ADAM32: variants seen among roughly 807,000 people sequenced by gnomAD.
The protein encoded by ADAM32 is disintegrin and metalloproteinase domain-containing protein 32.
Under a neutral mutation model 114.9 loss-of-function variants are expected in ADAM32, and 89 were observed. That is an observed-to-expected ratio of 0.77 (90% CI 0.65 to 0.92). The LOEUF is 0.92. ADAM32 is among the 40% of genes least tolerant of loss of function. The pLI is 0.00. For synonymous variants in ADAM32, 285 were observed against 307.5 expected, an observed-to-expected ratio of 0.93 and a Z score of 0.77; for missense variants, 870 against 932.8, an observed-to-expected ratio of 0.93 and a Z score of 0.88.
intron 14 of ADAM32, chr8:39,224,237 T>A (rs1182745633): frequency 6.6e-6 from 1 of 152,120 alleles, no homozygotes; most frequent in Non-Finnish European, 1.5e-5. Context: ...GCAATAAACA[T>A]GGGGGTGCAC....
intron 19 of ADAM32, among the ~76,000 whole-genome samples, chr8:39,268,785 A>T (rs942965617): frequency 2.0e-5 from 3 of 152,232 alleles, no homozygotes; most frequent in African/African-American, 7.2e-5. Flanking sequence ...GTATGGAAAT[A>T]GTATATTTTG....
chr8:39,241,976 C>T (rs1810592287), intron 16 of ADAM32, among the ~76,000 whole-genome samples: 1 of 152,182 alleles, frequency 6.6e-6, no homozygotes, highest in African/African-American at 2.4e-5. Flanking sequence ...TTAATAGCAC[C>T]CAAGTCACCT....
At chr8:39,174,137 G>T (rs900505329) in intron 10 of ADAM32, among the ~76,000 whole-genome samples, 1 of 152,106 alleles carries the variant, frequency 6.6e-6, no homozygotes, top group Admixed American at 6.6e-5. Flanking sequence ...CTTAATTTTT[G>T]TATAAGGTGT....
intron 2 of ADAM32, among the ~76,000 whole-genome samples, chr8:39,118,509 C>T (rs1360004686): frequency 6.6e-6 from 1 of 152,076 alleles, no homozygotes; most frequent in African/African-American, 2.4e-5. Flanking sequence ...AAGCCTGTTT[C>T]TCAATCTCCA....
At chr8:39,239,055 C>T (rs1292002057) in intron 16 of ADAM32, among the ~76,000 whole-genome samples, 1 of 152,076 alleles carries the variant, frequency 6.6e-6, no homozygotes, top group Non-Finnish European at 1.5e-5. Context: ...CTTCCAAATA[C>T]AAGAACCTCG....
chr8:39,236,154 G>A (rs7822099), intron 16 of ADAM32, among the ~76,000 whole-genome samples: 5,837 of 152,042 alleles, frequency 0.038, 388 homozygotes, highest in African/African-American at 0.13. Flanking sequence ...TTTTTTATAC[G>A]TTCCATAATA....
chr8:39,284,296 C>T (rs528284692), intron 24 of ADAM32, among the ~76,000 whole-genome samples: 1 of 151,944 alleles, frequency 6.6e-6, no homozygotes, highest in East Asian at 1.9e-4. Context: ...ATTCATTAGG[C>T]AGCATAGGCT....
At chr8:39,188,033 T>G (rs1355172901) in intron 11 of ADAM32, among the ~76,000 whole-genome samples, 2 of 152,138 alleles carry the variant, frequency 1.3e-5, no homozygotes, top group African/African-American at 4.8e-5. Context: ...GGGTAACCTA[T>G]CATAGGTTAA....
chr8:39,155,437 A>G (rs1804085957), intron 6 of ADAM32, among the ~76,000 whole-genome samples: 2 of 152,248 alleles, frequency 1.3e-5, no homozygotes, highest in South Asian at 4.1e-4. Context: ...TGACAATAGC[A>G]TGACATTGAG....
chr8:39,214,105 G>A (rs1257500809), intron 12 of ADAM32, among the ~76,000 whole-genome samples: 1 of 152,140 alleles, frequency 6.6e-6, no homozygotes, highest in Non-Finnish European at 1.5e-5. Context: ...CAGTTAGACT[G>A]CTTCCAAATC....
At chr8:39,272,101 G>GAAAAAAAAAAAA (rs11366445) in intron 20 of ADAM32, among the ~76,000 whole-genome samples, 109 of 65,760 alleles carry the variant, frequency 1.7e-3, no homozygotes, top group Non-Finnish European at 1.9e-3. Context: ...GTGAGCTCCA[G>GAAAAAAAAAAAA]AAAAAAAAAA....
chr8:39,256,892 G>A (rs200108888), intron 18 of ADAM32, among the ~76,000 whole-genome samples: 3 of 151,916 alleles, frequency 2.0e-5, no homozygotes, highest in East Asian at 1.9e-4. Context: ...ACAATCCCAC[G>A]TTGTATATCA....
At chr8:39,168,406 G>A (rs1804983100) in intron 9 of ADAM32, 1 of 152,186 alleles carries the variant, frequency 6.6e-6, no homozygotes, top group African/African-American at 2.4e-5. Flanking sequence ...CACGGCACCA[G>A]GGAGTGACTG....
At chr8:39,226,434 G>A (rs1809374617) in intron 14 of ADAM32, among the ~76,000 whole-genome samples, 1 of 151,954 alleles carries the variant, frequency 6.6e-6, no homozygotes, top group Admixed American at 6.6e-5. Flanking sequence ...ATTATACCAA[G>A]CTCAAAATTC....
chr8:39,118,921 C>T (rs942488389), intron 2 of ADAM32, among the ~76,000 whole-genome samples: 11 of 152,160 alleles, frequency 7.2e-5, no homozygotes, highest in African/African-American at 2.7e-4. Flanking sequence ...TAGTTCTTCT[C>T]CAGCCCTTGG....
intron 4 of ADAM32, among the ~76,000 whole-genome samples, chr8:39,149,343 C>T (rs554368942): frequency 1.9e-4 from 29 of 152,098 alleles, no homozygotes; most frequent in Non-Finnish European, 2.8e-4. Context: ...GTCCACATTT[C>T]CTCTCTTAGT....
chr8:39,117,849 C>T (rs11775433), intron 1 of ADAM32, among the ~76,000 whole-genome samples: 34,955 of 151,838 alleles, frequency 0.23, 4,673 homozygotes, highest in Non-Finnish European at 0.29. Context: ...TGTGTATTTT[C>T]TATTTTCTTC....
intron 19 of ADAM32, among the ~76,000 whole-genome samples, chr8:39,259,066 T>C (rs926972896): frequency 6.6e-6 from 1 of 152,184 alleles, no homozygotes; most frequent in Non-Finnish European, 1.5e-5. Flanking sequence ...AATGCACTAA[T>C]GGAGTTCATT....
intron 5 of ADAM32, 129 bp from the exon 6 acceptor site, chr8:39,151,248 C>A: frequency 1.3e-6 from 1 of 781,550 alleles, no homozygotes; most frequent in Non-Finnish European, 1.9e-6. Flanking sequence ...TCAGAGTCAT[C>A]TCTAAGACAG....
Sources: allele counts gnomAD v4.1 joint callset (sites outside exome capture counted in the v4.1 genomes callset), GRCh38; gene constraint gnomAD v4.1.1; transcripts MANE v1.5; gene names NCBI Gene and HGNC (gene_info 2026-07-23, HGNC 2026-07-21).